Variants in RGS12 observed in about 807,000 individuals in gnomAD.
RGS12 encodes the protein regulator of G-protein signaling 12.
Under a neutral mutation model 120.1 loss-of-function variants are expected in RGS12, and 66 were observed. The ratio of observed to expected loss-of-function variants is 0.55; its 90% CI spans 0.45 to 0.67. The LOEUF (loss-of-function observed/expected upper bound fraction) is 0.67, where lower values mean the gene tolerates loss of function less well. RGS12 is among the 30% of genes least tolerant of loss of function. The pLI is 0.00. For missense variants in RGS12, 1,859 were observed against 1,957.7 expected (o/e 0.95, Z 0.95); for synonymous variants, 827 against 804.7 (o/e 1.03, Z -0.47).
At chr4:3,439,407 C>T (rs773529010) in intron 17 of RGS12, 48 bp from the exon 18 acceptor site, 16 of 1,601,922 alleles carry the variant, frequency 1.0e-5, no homozygotes, top group Non-Finnish European at 1.4e-5. Context: ...GTTCCGGGGG[C>T]CCAGGGCCGG....
At chr4:3,391,032 G>A (rs888644942) in intron 4 of RGS12, among the ~76,000 whole-genome samples, 17 of 152,216 alleles carry the variant, frequency 1.1e-4, no homozygotes, top group African/African-American at 4.1e-4. Flanking sequence ...AAACAGTGCA[G>A]CCTAATTGCA....
intron 1 of RGS12, among the ~76,000 whole-genome samples, chr4:3,315,233 C>T (rs943760261): frequency 2.0e-5 from 3 of 152,196 alleles, no homozygotes; most frequent in Non-Finnish European, 2.9e-5. Context: ...GGAATCCTTT[C>T]GCTGTAATGA....
chr4:3,436,402 C>G (rs1724810684), intron 17 of RGS12, among the ~76,000 whole-genome samples: 1 of 151,962 alleles, frequency 6.6e-6, no homozygotes. Flanking sequence ...GCTGGGGAGG[C>G]TTCACAGAGG....
At chr4:3,308,967 G>A (rs1375923543) in intron 1 of RGS12, among the ~76,000 whole-genome samples, 2 of 152,268 alleles carry the variant, frequency 1.3e-5, no homozygotes, top group African/African-American at 2.4e-5. Flanking sequence ...GGCACTCGCA[G>A]CACTGCTGAA....
rs572618641 is a variant in RGS12 at position 3,341,069 on chromosome 4, C to T, written c.1882-1868C>T. Reference sequence around the variant, plus strand: ...GGGGCCCAGTGGTGGCGTCCCTCCCCGAGCATCCTCTCGTGTTCCCGGCAG... The same window carrying T: ...GGGGCCCAGTGGTGGCGTCCCTCCCTGAGCATCCTCTCGTGTTCCCGGCAG... On this transcript the variant is annotated intron_variant, in intron 2 of 17. Transcript: ENST00000336727. Among the ~76,000 whole-genome samples, 189 of 151,048 alleles carry T rather than the reference C, an allele frequency of 1.3e-3. 1 individual carries two copies. Among genetic ancestry groups the T allele is most frequent in the Non-Finnish European group, 1.8e-3 (125 of 67,788 alleles).
At chr4:3,354,821 C>A (rs530628764) in intron 3 of RGS12, among the ~76,000 whole-genome samples, 7 of 151,996 alleles carry the variant, frequency 4.6e-5, no homozygotes, top group Non-Finnish European at 8.8e-5. Context: ...AGAAGTTAGA[C>A]AAAAAGTTGT....
intron 3 of RGS12, among the ~76,000 whole-genome samples, chr4:3,348,199 G>A (rs1057254391): frequency 6.6e-6 from 1 of 152,154 alleles, no homozygotes; most frequent in African/African-American, 2.4e-5. Flanking sequence ...CAGGAGCACA[G>A]GTCACTATTA....
chr4:3,348,532 G>A (rs998306181), intron 3 of RGS12, among the ~76,000 whole-genome samples: 8 of 152,236 alleles, frequency 5.3e-5, no homozygotes, highest in East Asian at 1.9e-4. Flanking sequence ...TTACGAGTGC[G>A]CACCGTATTA....
chr4:3,398,747 A>G (rs1474068303), intron 4 of RGS12, among the ~76,000 whole-genome samples: 1 of 152,196 alleles, frequency 6.6e-6, no homozygotes, highest in African/African-American at 2.4e-5. Flanking sequence ...GAAAAAAAAA[A>G]ATAGTAAGAT....
chr4:3,317,947 C>T lies in RGS12; in HGVS notation c.1777C>T (p.Pro593Ser), dbSNP rs545077720. The T allele has an allele frequency of 1.7e-5, 27 of 1,614,156 alleles. No individual in the cohort carries two copies. The East Asian group carries it at 5.1e-4, about 31-fold the overall frequency. ...CAGGGTGGAGGGCAGCTTCGCGCAG[C>T]CCCCGCTGAATGCCCCGAAGAGGGA... ...RYRVEGSFAQPPLNAPKREWS... is the reference protein window; with the variant it reads ...RYRVEGSFAQSPLNAPKREWS... Residue 593 changes from proline to serine, a missense_variant, in exon 2 of 18, where the codon CCC (proline) becomes TCC (serine). Coordinates refer to ENST00000336727, the MANE Select transcript of RGS12 (RefSeq NM_001394154.1).
At chr4:3,327,143 T>G (rs552131519) in intron 2 of RGS12, among the ~76,000 whole-genome samples, 61 of 152,308 alleles carry the variant, frequency 4.0e-4, no homozygotes, top group African/African-American at 1.4e-3. Flanking sequence ...TAAAGCCACA[T>G]ATTTACAGCC....
chr4:3,344,811 C>A (rs974693766), intron 3 of RGS12, among the ~76,000 whole-genome samples: 1 of 152,194 alleles, frequency 6.6e-6, no homozygotes, highest in African/African-American at 2.4e-5. Flanking sequence ...GGCTGTAAAT[C>A]TCTTACTGGG....
At chr4:3,385,577 G>A (rs530487615) in intron 3 of RGS12, 49 of 152,684 alleles carry the variant, frequency 3.2e-4, no homozygotes, top group African/African-American at 1.1e-3. Context: ...GTGGCTTCCT[G>A]TTCTTTTCGG....
At chr4:3,397,538 C>A (rs1720160390) in intron 4 of RGS12, among the ~76,000 whole-genome samples, 1 of 152,104 alleles carries the variant, frequency 6.6e-6, no homozygotes, top group African/African-American at 2.4e-5. Context: ...GAGAGGGGTC[C>A]CAAGACTAAC....
chr4:3,343,982 G>A (rs1174213278), intron 3 of RGS12, among the ~76,000 whole-genome samples: 4 of 152,166 alleles, frequency 2.6e-5, no homozygotes, highest in African/African-American at 7.2e-5. Context: ...GATGCCTTCC[G>A]CTATCGATAG....
At chr4:3,320,673 A>T (rs1014925803) in intron 2 of RGS12, among the ~76,000 whole-genome samples, 2 of 152,156 alleles carry the variant, frequency 1.3e-5, no homozygotes, top group African/African-American at 4.8e-5. Flanking sequence ...CTTGAGGTTT[A>T]AGTGTTGCTG....
chr4:3,317,404 G>A lies in RGS12; in HGVS notation c.1234G>A (p.Ala412Thr), dbSNP rs1724850496. The change falls in exon 2 of 18, where the codon GCC (alanine) becomes ACC (threonine). Residue 412 changes from alanine to threonine, a missense_variant. Physicochemically the swap from Ala to Thr is moderately conservative, Grantham distance 58 (BLOSUM62 0). Around this residue, in one of 3 missense-constraint regions of RGS12, gnomAD observed 967 missense variants for 994.2 expected, o/e 0.97. Transcript: ENST00000336727. ...ARAFLDGDAD[A>T]HQNNSTSSNS... ...CGCCTTTCTGGACGGGGACGCCGAT[G>A]CCCACCAGAACAACAGCACCAGCAG... 1.2e-6 allele frequency: 2 copies of A among 1,613,956 alleles called. No individual in the cohort carries two copies. The highest frequency in any genetic ancestry group is 1.3e-5 in the African/African-American group (1 of 74,936).
chr4:3,296,140 C>T (rs1723369167), intron 1 of RGS12, among the ~76,000 whole-genome samples: 1 of 152,216 alleles, frequency 6.6e-6, no homozygotes, highest in South Asian at 2.1e-4. Context: ...TGGCTCCCGG[C>T]TCCTGCCCTG....
At chr4:3,432,925 C>T (rs930945954) in intron 17 of RGS12, among the ~76,000 whole-genome samples, 25 of 152,192 alleles carry the variant, frequency 1.6e-4, no homozygotes, top group African/African-American at 5.8e-4. Flanking sequence ...CTGCTGAGGA[C>T]CTGCCCAGTC....
Sources: allele counts gnomAD v4.1 joint callset (sites outside exome capture counted in the v4.1 genomes callset), GRCh38; gene constraint gnomAD v4.1.1; regional missense constraint gnomAD v4.1.1; transcripts MANE v1.5; gene names NCBI Gene and HGNC (gene_info 2026-07-23, HGNC 2026-07-21).